Variants in NRP2 observed in about 807,000 individuals in gnomAD.
NRP2 encodes neuropilin-2.
NRP2 carries 52 observed loss-of-function variants against 110.4 expected under a neutral mutation model. That is an observed-to-expected ratio of 0.47 (90% CI 0.38 to 0.59). The LOEUF is 0.59. Ranked by LOEUF, NRP2 falls within the 20% of genes least tolerant of loss-of-function variation. NRP2 has a pLI of 0.00. For synonymous variants in NRP2, 508 were observed against 468.9 expected (o/e 1.08, Z -1.08); for missense variants, 1,049 against 1,203.0 (o/e 0.87, Z 1.89).
chr2:205,750,277 C>T (rs1048264992), intron 11 of NRP2, among the ~76,000 whole-genome samples: 8 of 152,138 alleles, frequency 5.3e-5, no homozygotes, highest in East Asian at 1.9e-4. Flanking sequence ...TGATGGAGCG[C>T]GATAGTTGGG....
chr2:205,702,712 G>A (rs147812663), intron 2 of NRP2, among the ~76,000 whole-genome samples: 2 of 152,310 alleles, frequency 1.3e-5, no homozygotes, highest in Non-Finnish European at 2.9e-5. Context: ...CCAGACCTTA[G>A]TCATCTGGCC....
intron 2 of NRP2, among the ~76,000 whole-genome samples, chr2:205,713,394 C>T (rs996009367): frequency 1.5e-4 from 23 of 152,346 alleles, no homozygotes; most frequent in South Asian, 4.1e-4. Flanking sequence ...ATTCCTCACT[C>T]CAGTTCTGTG....
At chr2:205,755,965 A>G (rs1303877306) in intron 12 of NRP2, among the ~76,000 whole-genome samples, 1 of 151,980 alleles carries the variant, frequency 6.6e-6, no homozygotes, top group African/African-American at 2.4e-5. Flanking sequence ...AACTGCTTAC[A>G]TTCCTCGGAT....
At chr2:205,697,088 A>G (rs1384729863) in intron 1 of NRP2, among the ~76,000 whole-genome samples, 3 of 152,198 alleles carry the variant, frequency 2.0e-5, no homozygotes, top group African/African-American at 7.2e-5. Context: ...CAGTTCCCAG[A>G]GCCCTGACTG....
intron 15 of NRP2, chr2:205,777,183 CATT>C (rs1387217719): frequency 5.0e-5 from 49 of 980,260 alleles, no homozygotes; most frequent in Non-Finnish European, 5.9e-5. Flanking sequence ...TGTTGGCTGT[CATT>C]GTCATCTCCA....
chr2:205,737,220 T>C (rs1349351957), intron 7 of NRP2, among the ~76,000 whole-genome samples: 2 of 152,212 alleles, frequency 1.3e-5, no homozygotes, highest in African/African-American at 2.4e-5. Flanking sequence ...CTATTCAAAG[T>C]GTATAAAAAG....
intron 1 of NRP2, among the ~76,000 whole-genome samples, chr2:205,691,313 G>A (rs570304971): frequency 6.6e-6 from 1 of 152,312 alleles, no homozygotes; most frequent in East Asian, 1.9e-4. Context: ...TGGGAGAGGA[G>A]AAAGGGCAGA....
intron 15 of NRP2, chr2:205,767,347 G>A (rs2057942089): frequency 4.0e-6 from 2 of 495,730 alleles, no homozygotes; most frequent in South Asian, 1.5e-5. Flanking sequence ...CAGGCTGCTT[G>A]TAAGAGAAGG....
intron 10 of NRP2, 40 bp downstream of exon 10, chr2:205,745,930 G>T (rs768838706): frequency 5.0e-6 from 8 of 1,612,142 alleles, no homozygotes; most frequent in African/African-American, 1.3e-5. Context: ...TCACCCACAT[G>T]GTCCTCTGAC....
At chr2:205,791,535 G>T (rs1010370573) in intron 15 of NRP2, among the ~76,000 whole-genome samples, 11 of 152,132 alleles carry the variant, frequency 7.2e-5, no homozygotes, top group Non-Finnish European at 5.9e-5. Context: ...TCATGAAAAA[G>T]AAAAAGATAG....
At chr2:205,775,993 A>C (rs1193508592) in intron 15 of NRP2, among the ~76,000 whole-genome samples, 1 of 152,186 alleles carries the variant, frequency 6.6e-6, no homozygotes, top group African/African-American at 2.4e-5. Context: ...ACTTAACTTA[A>C]CCTCTCTCCA....
intron 15 of NRP2, chr2:205,777,238 T>C: frequency 5.3e-6 from 4 of 761,058 alleles, no homozygotes; most frequent in Non-Finnish European, 6.4e-6. Flanking sequence ...GCAGTGTGGC[T>C]TCTCCCATCC....
At chr2:205,703,604 TGTTAC>T (rs2056608815) in intron 2 of NRP2, among the ~76,000 whole-genome samples, 1 of 152,220 alleles carries the variant, frequency 6.6e-6, no homozygotes, top group South Asian at 2.1e-4. Flanking sequence ...GATATGGACC[TGTTAC>T]GTGGGCCCAC....
Position 205,723,766 on chromosome 2 carries a change from CTT to C in NRP2, c.665-17_665-16del, listed in dbSNP as rs1423758966. ...GACATTTTGATTTCCACTGACTTCT[CTT>C]TGTCTTGAATGTCCAGTTGGCCCCC... is the stretch of plus-strand genomic sequence containing the variant. On this transcript the variant is annotated splice_polypyrimidine_tract_variant and intron_variant, in intron 4 of 16. Transcript: ENST00000357785. The C allele has an allele frequency of 1.9e-6, 3 of 1,613,828 alleles. No individual in the cohort carries two copies. The African/African-American group carries it at 4.0e-5, about 22-fold the overall frequency.
chr2:205,706,121 C>G (rs144118966), intron 2 of NRP2, among the ~76,000 whole-genome samples: 215 of 152,148 alleles, frequency 1.4e-3, no homozygotes, highest in African/African-American at 4.9e-3. Flanking sequence ...TCCTCACCAC[C>G]ACCTTCACTC....
At chr2:205,739,599 A>C (rs998753478) in intron 7 of NRP2, among the ~76,000 whole-genome samples, 1 of 151,962 alleles carries the variant, frequency 6.6e-6, no homozygotes, top group Non-Finnish European at 1.5e-5. Context: ...AATGATTTAG[A>C]AGTGATGGTT....
chr2:205,752,941 C>T lies in NRP2; in HGVS notation c.2010C>T (p.Ala670=), dbSNP rs2057673508. 2.5e-6 allele frequency: 4 copies of T among 1,613,968 alleles called. No homozygotes were observed. The highest frequency in any genetic ancestry group is 3.4e-6 in the Non-Finnish European group (4 of 1,180,020). ...CCAAGTGGCTCCGGACCACCTGGGC[C>T]AGCAGCTCCAGCCCAAACGACCGGA... ...DHAKWLRTTW[A]SSSSPNDRTF... Residue 670 remains alanine, a synonymous_variant, in exon 12 of 17, where the codon GCC becomes GCT. Coordinates refer to ENST00000357785, the MANE Select transcript of NRP2 (RefSeq NM_003872.3).
chr2:205,722,167 TCTCATACACA>T (rs1473583718), intron 3 of NRP2: 8 of 346,154 alleles, frequency 2.3e-5, no homozygotes, highest in African/African-American at 1.7e-4. Context: ...TCTCTCTCTC[TCTCATACACA>T]CACACACACA....
chr2:205,703,558 C>T (rs1426970488), intron 2 of NRP2, among the ~76,000 whole-genome samples: 3 of 152,232 alleles, frequency 2.0e-5, no homozygotes, highest in Non-Finnish European at 4.4e-5. Context: ...CTTGTGCTGT[C>T]TGCCTCCCCG....
Sources: gnomAD v4.1 joint callset for allele counts (sites outside exome capture counted in the v4.1 genomes callset) on GRCh38, gnomAD v4.1.1 for gene constraint, MANE v1.5 for transcripts, NCBI Gene and HGNC (gene_info 2026-07-23, HGNC 2026-07-21) for gene names.